Variants in FRMD4B observed in about 807,000 individuals in gnomAD.
The protein encoded by FRMD4B is FERM domain-containing protein 4B.
In FRMD4B, 74 loss-of-function variants were observed where a neutral mutation model predicts 141.5. That is an observed-to-expected ratio of 0.52 (90% confidence interval 0.43 to 0.63). The LOEUF (loss-of-function observed/expected upper bound fraction) is 0.63, where lower values mean the gene tolerates loss of function less well. Ranked by LOEUF, FRMD4B falls within the 30% of genes least tolerant of loss-of-function variation. The pLI is 0.00. For missense variants in FRMD4B, 1,366 were observed against 1,253.4 expected, an observed-to-expected ratio of 1.09 and a Z score of -1.36; for synonymous variants, 506 against 467.9, an observed-to-expected ratio of 1.08 and a Z score of -1.05.
chr3:69,507,281 G>A (rs1706612344), intron 1 of FRMD4B, among the ~76,000 whole-genome samples: 1 of 152,050 alleles, frequency 6.6e-6, no homozygotes, highest in Admixed American at 6.6e-5. Flanking sequence ...TTCAACCTTT[G>A]CCTCTAAAAT....
chr3:69,263,139 C>A (rs1267646750), intron 5 of FRMD4B, among the ~76,000 whole-genome samples: 2 of 151,994 alleles, frequency 1.3e-5, no homozygotes, highest in Non-Finnish European at 2.9e-5. Context: ...CAGCTGTAGT[C>A]CCAGCTACTC....
intron 1 of FRMD4B, among the ~76,000 whole-genome samples, chr3:69,515,019 T>C (rs568304932): frequency 3.3e-5 from 5 of 152,222 alleles, no homozygotes; most frequent in African/African-American, 4.8e-5. Context: ...GACATACAAA[T>C]AGACCAATGG....
chr3:69,203,704 C>T (rs779771472), intron 11 of FRMD4B, among the ~76,000 whole-genome samples: 2 of 152,104 alleles, frequency 1.3e-5, no homozygotes, highest in African/African-American at 4.8e-5. Context: ...AGAGAGTTGT[C>T]GGAAGGGATC....
chr3:69,402,841 G>A (rs945488270), intron 2 of FRMD4B, among the ~76,000 whole-genome samples: 1 of 152,134 alleles, frequency 6.6e-6, no homozygotes, highest in Non-Finnish European at 1.5e-5. Context: ...AAATCAAAAA[G>A]AATCAGGAAT....
At chr3:69,190,765 G>A (rs1034761652) in intron 17 of FRMD4B, among the ~76,000 whole-genome samples, 1 of 152,134 alleles carries the variant, frequency 6.6e-6, no homozygotes, top group Non-Finnish European at 1.5e-5. Flanking sequence ...TTTTGAACTG[G>A]ATAATCCTTT....
intron 1 of FRMD4B, chr3:69,472,467 A>G (rs1705908410): frequency 2.3e-6 from 1 of 428,582 alleles, no homozygotes; most frequent in Admixed American, 2.6e-5. Flanking sequence ...AGCCAGTACA[A>G]CCAGTTGTAG....
chr3:69,485,526 A>C (rs1706200828), intron 1 of FRMD4B, among the ~76,000 whole-genome samples: 1 of 152,198 alleles, frequency 6.6e-6, no homozygotes, highest in Non-Finnish European at 1.5e-5. Context: ...CCTGGGTTGC[A>C]GCCACAGCTT....
intron 1 of FRMD4B, among the ~76,000 whole-genome samples, chr3:69,480,690 G>C (rs9862427): frequency 0.21 from 29,901 of 143,658 alleles, 3,661 homozygotes; most frequent in African/African-American, 0.37. Context: ...CAGTCTGCCC[G>C]TTCTCAGATC....
At chr3:69,196,211 C>G (rs751609347) in intron 14 of FRMD4B, 44 bp downstream of exon 14, 2 of 1,488,974 alleles carry the variant, frequency 1.3e-6, no homozygotes, top group Non-Finnish European at 1.8e-6. Flanking sequence ...AAAAAACAAA[C>G]GAAATAAAGA....
chr3:69,194,973 G>T, intron 16 of FRMD4B, 49 bp downstream of exon 16: 1 of 1,561,406 alleles, frequency 6.4e-7, no homozygotes, highest in Non-Finnish European at 8.7e-7. Context: ...CACTCAGACA[G>T]CTTTCCTGTC....
rs2092864185 is a variant in FRMD4B, at chr3:69,193,568, T to A, written c.1714+80A>T. On this transcript the variant is annotated intron_variant, in intron 17 of 22. Transcript: ENST00000398540. ...GTTCTTCCTTTGATCTCTCATCAAC[T>A]GGTAACTGGTTTGGAAATGCTATAT... The A allele has an allele frequency of 3.0e-5, 22 of 735,432 alleles. No homozygotes were observed. The South Asian group carries it at 3.6e-4, about 12-fold the overall frequency. The allele number at this position is 735,432 out of a possible 1,614,324, so 45.6% of individuals were successfully genotyped here.
chr3:69,443,927 T>C (rs1705374339), intron 1 of FRMD4B, among the ~76,000 whole-genome samples: 1 of 152,218 alleles, frequency 6.6e-6, no homozygotes, highest in South Asian at 2.1e-4. Flanking sequence ...ACTTCCCCAA[T>C]TACTCCTGTA....
chr3:69,314,577 T>C (rs1273165364), intron 1 of FRMD4B, among the ~76,000 whole-genome samples: 2 of 147,990 alleles, frequency 1.4e-5, no homozygotes, highest in Admixed American at 1.4e-4. Context: ...CTCACGCCTG[T>C]AATCCCAACA....
intron 4 of FRMD4B, among the ~76,000 whole-genome samples, chr3:69,293,550 A>G (rs1330161796): frequency 6.6e-6 from 1 of 151,958 alleles, no homozygotes; most frequent in Non-Finnish European, 1.5e-5. Context: ...CTTAGTTGGG[A>G]ACATCTTTAA....
intron 1 of FRMD4B, among the ~76,000 whole-genome samples, chr3:69,516,155 T>G (rs920038268): frequency 6.6e-6 from 1 of 151,912 alleles, no homozygotes; most frequent in Non-Finnish European, 1.5e-5. Context: ...AACCCAGGGG[T>G]TTGAGGCTGT....
At chr3:69,348,445 A>C (rs1346204985) in intron 1 of FRMD4B, among the ~76,000 whole-genome samples, 1 of 152,234 alleles carries the variant, frequency 6.6e-6, no homozygotes, top group Non-Finnish European at 1.5e-5. Context: ...AACTATTCCA[A>C]TCAATAGAAA....
At chr3:69,382,394 T>G (rs1704138695) in intron 1 of FRMD4B, among the ~76,000 whole-genome samples, 1 of 152,154 alleles carries the variant, frequency 6.6e-6, no homozygotes, top group Non-Finnish European at 1.5e-5. Context: ...ACGCTGGTCT[T>G]GAACTCCTGA....
chr3:69,235,470 G>A (rs1271024627), intron 7 of FRMD4B, among the ~76,000 whole-genome samples: 2 of 151,806 alleles, frequency 1.3e-5, no homozygotes, highest in African/African-American at 2.4e-5. Context: ...GACCAGCCTG[G>A]CTTTGAGGTG....
At chr3:69,241,796 G>A (rs1406926116) in intron 7 of FRMD4B, among the ~76,000 whole-genome samples, 1 of 152,062 alleles carries the variant, frequency 6.6e-6, no homozygotes, top group East Asian at 1.9e-4. Flanking sequence ...TTGAACCCAG[G>A]AGGCGGAGTT....
Sources: gnomAD v4.1 joint callset for allele counts (sites outside exome capture counted in the v4.1 genomes callset) on GRCh38, gnomAD v4.1.1 for gene constraint, MANE v1.5 for transcripts, NCBI Gene and HGNC (gene_info 2026-07-23, HGNC 2026-07-21) for gene names.